The following ZC3H11A variants were observed in gnomAD, a reference collection of about 807,000 sequenced individuals.
ZC3H11A encodes the protein zinc finger CCCH domain-containing protein 11A.
Under a neutral mutation model 90.8 loss-of-function variants are expected in ZC3H11A, and 22 were observed. The observed-to-expected ratio is 0.24, with a 90% CI of 0.17 to 0.35. The LOEUF (loss-of-function observed/expected upper bound fraction) is 0.35, where lower values mean the gene tolerates loss of function less well. ZC3H11A is among the 10% of genes least tolerant of loss of function. ZC3H11A has a pLI of 1.00. For synonymous variants in ZC3H11A, 294 were observed against 339.8 expected (o/e 0.87, Z 1.48); for missense variants, 701 against 964.9 (o/e 0.73, Z 3.62).
Position 203,828,520 on chromosome 1 carries a change from T to C in ZC3H11A, c.298+98T>C, listed in dbSNP as rs1427565195. ...CAGACATTGACTCCTTTCAGTCTTG[T>C]GAAACAGCAGAATTATTTCCACTTT... On this transcript the variant is annotated intron_variant, in intron 5 of 17. Coordinates refer to ENST00000367210, the MANE Select transcript of ZC3H11A (RefSeq NM_001376342.1). The C allele has an allele frequency of 5.0e-6, 7 of 1,395,072 alleles. No individual in the cohort carries two copies. In the East Asian group the frequency reaches 1.8e-4, roughly 35 times the overall value. The allele number at this position is 1,395,072 out of a possible 1,614,324, so 86.4% of individuals were successfully genotyped here.
intron 12 of ZC3H11A, among the ~76,000 whole-genome samples, chr1:203,843,825 C>G (rs922538318): frequency 1.5e-4 from 23 of 151,802 alleles, no homozygotes; most frequent in African/African-American, 5.3e-4. Context: ...TTTCTTTGTT[C>G]TCTTATTTTT....
chr1:203,841,585 C>A (rs1269139472), intron 12 of ZC3H11A, among the ~76,000 whole-genome samples: 1 of 152,254 alleles, frequency 6.6e-6, no homozygotes, highest in East Asian at 1.9e-4. Context: ...AATCTGATCT[C>A]TCTTTCTTTT....
chr1:203,830,512 A>G (rs1353977853), intron 8 of ZC3H11A, among the ~76,000 whole-genome samples: 1 of 152,188 alleles, frequency 6.6e-6, no homozygotes, highest in Non-Finnish European at 1.5e-5. Flanking sequence ...TTAAAAAGAA[A>G]TTATATTAAG....
intron 10 of ZC3H11A, chr1:203,834,054 A>C: frequency 8.0e-7 from 1 of 1,242,576 alleles, no homozygotes; most frequent in Non-Finnish European, 1.0e-6. Flanking sequence ...CAATTGAACT[A>C]GATTATGACC....
At chr1:203,817,288 G>T (rs183964623) in intron 3 of ZC3H11A, among the ~76,000 whole-genome samples, 164 bp downstream of exon 3, 1 of 152,044 alleles carries the variant, frequency 6.6e-6, no homozygotes, top group Non-Finnish European at 1.5e-5. Flanking sequence ...GGGTAATTCA[G>T]TGTTTTTTTC....
intron 4 of ZC3H11A, among the ~76,000 whole-genome samples, chr1:203,823,432 A>G (rs1479711741): frequency 1.3e-5 from 2 of 152,236 alleles, no homozygotes; most frequent in African/African-American, 2.4e-5. Flanking sequence ...TGCTAGCCAT[A>G]TAAGCACTCT....
In ZC3H11A at chr1:203,817,240, A is replaced by G. The variant is rs114669620; in HGVS notation, c.54+116A>G. The G allele has an allele frequency of 3.1e-3, 2,304 of 732,658 alleles. 56 individuals carry two copies. The African/African-American group carries it at 0.039, about 13-fold the overall frequency. The allele number at this position is 732,658 out of a possible 1,614,324, so 45.4% of individuals were successfully genotyped here. ...ATATATATATTTTTTGCCCAACTTT[A>G]TTATTGGCTGTCAGTTTTTTAAAGG... On this transcript the variant is annotated intron_variant, in intron 3 of 17. Transcript: ENST00000367210.
intron 12 of ZC3H11A, among the ~76,000 whole-genome samples, chr1:203,841,621 G>A (rs1249418496): frequency 6.6e-6 from 1 of 152,098 alleles, no homozygotes; most frequent in Admixed American, 6.5e-5. Flanking sequence ...TTTTCTATTC[G>A]ACAAAACCGC....
intron 11 of ZC3H11A, among the ~76,000 whole-genome samples, chr1:203,839,265 A>C (rs1685336658): frequency 6.6e-6 from 1 of 152,210 alleles, no homozygotes; most frequent in Non-Finnish European, 1.5e-5. Context: ...GGCTGGATTC[A>C]AATTTCTGGC....
In ZC3H11A at chr1:203,847,564, G is replaced by A. The variant is rs906001701; in HGVS notation, c.1423G>A (p.Glu475Lys). 1 of 1,613,912 alleles carries A rather than the reference G, an allele frequency of 6.2e-7. No homozygotes were observed. The highest frequency in any genetic ancestry group is 8.5e-7 in the Non-Finnish European group (1 of 1,179,894). Reference protein sequence around the residue: ...SMQEVHIKTLEEIKLEKALRV... With the variant: ...SMQEVHIKTLKEIKLEKALRV... The stretch of plus-strand genomic sequence containing the variant: ...GCAGGAGGTGCACATCAAGACGCTG[G>A]AAGAAATTAAACTGGAGAAGGCACT... Residue 475 changes from glutamate (E) to lysine (K), a missense_variant, in exon 13 of 18, where the codon GAA becomes AAA. Transcript: ENST00000367210.
At chr1:203,805,866 C>T in intron 2 of ZC3H11A, 1 of 862,856 alleles carries the variant, frequency 1.2e-6, no homozygotes, top group Non-Finnish European at 1.9e-6. Flanking sequence ...CCATCATGTC[C>T]ACTAGCTGGT....
intron 12 of ZC3H11A, among the ~76,000 whole-genome samples, chr1:203,841,358 T>A (rs1686130364): frequency 6.6e-6 from 1 of 152,144 alleles, no homozygotes; most frequent in Admixed American, 6.5e-5. Flanking sequence ...GTGATGACTC[T>A]TAACGAGCAT....
At chr1:203,809,500 T>C (rs1386287307) in intron 2 of ZC3H11A, among the ~76,000 whole-genome samples, 1 of 152,072 alleles carries the variant, frequency 6.6e-6, no homozygotes, top group Non-Finnish European at 1.5e-5. Context: ...TAGTGGTATG[T>C]TCATTTGTAG....
rs1331980064 is a variant in ZC3H11A, at chr1:203,847,560, G to A, written c.1419G>A (p.Thr473=). 3 of 1,613,796 alleles carry A rather than the reference G, an allele frequency of 1.9e-6. No homozygotes were observed. Among genetic ancestry groups the A allele is most frequent in the East Asian group, 2.2e-5 (1 of 44,886 alleles). ...CTATGCAGGAGGTGCACATCAAGACGCTGGAAGAAATTAAACTGGAGAAGG... is the reference window on the plus strand; with the variant it reads ...CTATGCAGGAGGTGCACATCAAGACACTGGAAGAAATTAAACTGGAGAAGG... ...TKSMQEVHIK[T]LEEIKLEKAL... The change falls in exon 13 of 18, where the codon ACG becomes ACA. Residue 473 remains threonine (T), a synonymous_variant. Coordinates refer to ENST00000367210, the MANE Select transcript of ZC3H11A (RefSeq NM_001376342.1).
intron 2 of ZC3H11A, among the ~76,000 whole-genome samples, chr1:203,811,612 G>A (rs1310303392): frequency 1.3e-5 from 2 of 152,068 alleles, no homozygotes; most frequent in Non-Finnish European, 1.5e-5. Flanking sequence ...GGATTCAAGC[G>A]ATTCTTGTAC....
At chr1:203,836,855 A>C (rs1684511738) in intron 10 of ZC3H11A, among the ~76,000 whole-genome samples, 1 of 152,244 alleles carries the variant, frequency 6.6e-6, no homozygotes, top group South Asian at 2.1e-4. Flanking sequence ...TAAGATACAG[A>C]ATATTTCAGA....
chr1:203,810,442 CAG>C (rs1194821080), intron 2 of ZC3H11A, among the ~76,000 whole-genome samples: 2 of 132,924 alleles, frequency 1.5e-5, no homozygotes, highest in Admixed American at 7.4e-5. Flanking sequence ...TTTTTTGAGA[CAG>C]AGTCTCACTC....
chr1:203,798,788 G>A (rs1242123540), intron 1 of ZC3H11A: 2 of 1,536,152 alleles, frequency 1.3e-6, no homozygotes, highest in Non-Finnish European at 1.7e-6. Flanking sequence ...TGGAGGATAT[G>A]CATCCTTACA....
intron 9 of ZC3H11A, among the ~76,000 whole-genome samples, chr1:203,832,550 G>A (rs750097691): frequency 6.6e-6 from 1 of 152,016 alleles, no homozygotes; most frequent in Admixed American, 6.6e-5. Context: ...TGGTAGAAAC[G>A]GGGTTTCACC....
Sources: gnomAD v4.1 joint callset for allele counts (sites outside exome capture counted in the v4.1 genomes callset) on GRCh38, gnomAD v4.1.1 for gene constraint, MANE v1.5 for transcripts, NCBI Gene and HGNC (gene_info 2026-07-23, HGNC 2026-07-21) for gene names.